CCDC149: variants seen among roughly 807,000 people sequenced by gnomAD.
CCDC149 encodes the protein coiled-coil domain-containing protein 149.
Under a neutral mutation model 59.9 loss-of-function variants are expected in CCDC149, and 45 were observed. That is an observed-to-expected ratio of 0.75 (90% confidence interval 0.59 to 0.96). The LOEUF (loss-of-function observed/expected upper bound fraction) is 0.96, where lower values mean the gene tolerates loss of function less well. Ranked by LOEUF, CCDC149 falls within the 40% of genes least tolerant of loss-of-function variation. The pLI is 0.00. For synonymous variants in CCDC149, 245 were observed against 260.6 expected (o/e 0.94, Z 0.58); for missense variants, 584 against 664.7 (o/e 0.88, Z 1.33).
chr4:24,912,033 G>C (rs548695373), intron 1 of CCDC149, among the ~76,000 whole-genome samples: 1 of 152,184 alleles, frequency 6.6e-6, no homozygotes, highest in Non-Finnish European at 1.5e-5. Flanking sequence ...GTTGCCTCCA[G>C]GTGAGAGGGA....
At chr4:24,914,091 G>A (rs1722045931), upstream of CCDC149, among the ~76,000 whole-genome samples, 1 of 152,120 alleles carries the variant, frequency 6.6e-6, no homozygotes, top group South Asian at 2.1e-4. Context: ...GTTGATCCTG[G>A]ATCAACCCTG....
At chr4:24,899,249 G>A (rs973588245) in intron 1 of CCDC149, among the ~76,000 whole-genome samples, 2 of 152,262 alleles carry the variant, frequency 1.3e-5, no homozygotes, top group Middle Eastern at 3.4e-3. Context: ...AATTAGAATC[G>A]GGTTGGGAGG....
At chr4:24,896,284 A>G (rs1241430131) in intron 1 of CCDC149, among the ~76,000 whole-genome samples, 1 of 152,220 alleles carries the variant, frequency 6.6e-6, no homozygotes, top group African/African-American at 2.4e-5. Flanking sequence ...ATGGGGGGTA[A>G]GGTGACTACA....
chr4:24,964,275 C>T (rs899346443), intron 1 of CCDC149, among the ~76,000 whole-genome samples: 3 of 151,190 alleles, frequency 2.0e-5, no homozygotes, highest in African/African-American at 7.3e-5. Flanking sequence ...CACTGTATGG[C>T]CTCAGTAGTA....
At chr4:24,832,839 C>T (rs1298567063) in intron 8 of CCDC149, among the ~76,000 whole-genome samples, 1 of 152,176 alleles carries the variant, frequency 6.6e-6, no homozygotes, top group Non-Finnish European at 1.5e-5. Context: ...TATGACAATA[C>T]TATCTATTAA....
chr4:24,955,596 G>C (rs1723442278), intron 1 of CCDC149, among the ~76,000 whole-genome samples: 1 of 152,140 alleles, frequency 6.6e-6, no homozygotes, highest in Non-Finnish European at 1.5e-5. Flanking sequence ...ATTATTTTAA[G>C]TAAAATAAGC....
At chr4:24,894,045 A>G (rs1720699158) in intron 1 of CCDC149, among the ~76,000 whole-genome samples, 1 of 152,196 alleles carries the variant, frequency 6.6e-6, no homozygotes, top group Non-Finnish European at 1.5e-5. Flanking sequence ...AATCAGAGAA[A>G]CCTGGAGTTC....
chr4:24,834,988 G>C lies in CCDC149; in HGVS notation c.780C>G (p.Ser260=), dbSNP rs139431154. 3.1e-6 allele frequency: 5 copies of C among 1,614,008 alleles called. No individual in the cohort carries two copies. Among genetic ancestry groups the C allele is most frequent in the Non-Finnish European group, 4.2e-6 (5 of 1,179,964 alleles). Residue 260 remains serine (S), a synonymous_variant, in exon 8 of 13, where the codon TCC becomes TCG. Transcript: ENST00000635206. ...GGACTCCTGTCAGAGCACTGCTGCT[G>C]GATTTACCCTGGCCCTTCGAGTTTT...
At chr4:24,831,417 C>A in intron 9 of CCDC149, 89 bp downstream of exon 9, 2 of 1,369,912 alleles carry the variant, frequency 1.5e-6, no homozygotes, top group East Asian at 4.6e-5. Flanking sequence ...CCTGCAGGTC[C>A]GTCGTTCCAG....
intron 1 of CCDC149, among the ~76,000 whole-genome samples, chr4:24,962,262 TACCATCTCAC>T (rs1723655917): frequency 6.6e-6 from 1 of 152,068 alleles, no homozygotes; most frequent in African/African-American, 2.4e-5. Context: ...CGCAATGAGA[TACCATCTCAC>T]ACCAGTTAGA....
chr4:24,837,352 C>T lies in CCDC149; in HGVS notation c.538G>A (p.Asp180Asn). 6.2e-7 allele frequency: 1 copy of T among 1,614,196 alleles called. No homozygotes were observed. Among genetic ancestry groups the T allele is most frequent in the Non-Finnish European group, 8.5e-7 (1 of 1,180,022 alleles). Reference sequence around the variant, plus strand: ...TAGGAAGACCGTTCTTCTTTAACATCCTGAAGCTCGTCCACAGAAGCCTGC... The same window carrying T: ...TAGGAAGACCGTTCTTCTTTAACATTCTGAAGCTCGTCCACAGAAGCCTGC... The change falls in exon 6 of 13, where the codon GAT (aspartate) becomes AAT (asparagine). Residue 180 changes from aspartate (D) to asparagine (N), a missense_variant. Physicochemically the swap from Asp to Asn is conservative, Grantham distance 23. Coordinates refer to ENST00000635206, the MANE Select transcript of CCDC149 (RefSeq NM_001330643.2). The surrounding 1 kb of genome is among the most constrained non-coding windows in gnomAD (Gnocchi z 4.3).
chr4:24,976,492 C>T (rs1176643690), intron 1 of CCDC149, among the ~76,000 whole-genome samples: 5 of 152,084 alleles, frequency 3.3e-5, no homozygotes, highest in African/African-American at 4.8e-5. Flanking sequence ...GCTGGCGAAT[C>T]GCCTGAGGTC....
At chr4:24,818,180 A>G (rs1308159401) in intron 12 of CCDC149, among the ~76,000 whole-genome samples, 1 of 152,182 alleles carries the variant, frequency 6.6e-6, no homozygotes, top group East Asian at 1.9e-4. Flanking sequence ...GGCCACATGT[A>G]GATGGAGATG....
intron 1 of CCDC149, among the ~76,000 whole-genome samples, chr4:24,887,551 C>T (rs959098481): frequency 1.1e-4 from 16 of 152,114 alleles, no homozygotes; most frequent in African/African-American, 3.6e-4. Flanking sequence ...ACTGCCCTTG[C>T]CTTCCCCTCT....
At chr4:24,891,698 G>A (rs186757440) in intron 1 of CCDC149, among the ~76,000 whole-genome samples, 1 of 152,262 alleles carries the variant, frequency 6.6e-6, no homozygotes, top group East Asian at 1.9e-4. Flanking sequence ...TGGGCATCTC[G>A]CTTTCAACAA....
At chr4:24,945,540 G>A (rs1209286797) in intron 1 of CCDC149, among the ~76,000 whole-genome samples, 1 of 152,120 alleles carries the variant, frequency 6.6e-6, no homozygotes, top group Non-Finnish European at 1.5e-5. Flanking sequence ...CTTGATTTCA[G>A]GCGTCTGGAC....
At chr4:24,889,263 A>G (rs1391882163) in intron 1 of CCDC149, among the ~76,000 whole-genome samples, 2 of 152,154 alleles carry the variant, frequency 1.3e-5, no homozygotes, top group East Asian at 3.8e-4. Context: ...GCCTATAAAG[A>G]TGAGGAGGAA....
At chr4:24,830,201 G>C (rs891090063) in intron 9 of CCDC149, 1 of 152,430 alleles carries the variant, frequency 6.6e-6, no homozygotes, top group East Asian at 1.9e-4. Flanking sequence ...GAATGGACCA[G>C]GGTTTAGAAG....
intron 8 of CCDC149, 114 bp from the exon 9 acceptor site, chr4:24,831,764 A>G (rs1716170358): frequency 1.1e-6 from 1 of 927,030 alleles, no homozygotes; most frequent in African/African-American, 1.7e-5. Flanking sequence ...AAATGCTACT[A>G]TGTTGTATTG....
Sources: allele counts gnomAD v4.1 joint callset (sites outside exome capture counted in the v4.1 genomes callset), GRCh38; gene constraint gnomAD v4.1.1; non-coding constraint Gnocchi (gnomAD v3.1); transcripts MANE v1.5; gene names NCBI Gene and HGNC (gene_info 2026-07-23, HGNC 2026-07-21).